The following GOLGA4 variants were observed in gnomAD, a reference collection of about 807,000 sequenced individuals.
The protein encoded by GOLGA4 is golgin A4, also known as golgin subfamily A member 4.
A neutral mutation model predicts 265.9 loss-of-function variants in GOLGA4; 169 were observed. The observed-to-expected ratio is 0.64, with a 90% CI of 0.56 to 0.72. GOLGA4 has a LOEUF of 0.72. GOLGA4 is among the 30% of genes least tolerant of loss of function. GOLGA4 has a pLI of 0.00. For missense variants in GOLGA4, 2,482 were observed against 2,483.4 expected, an observed-to-expected ratio of 1.00 and a Z score of 0.01; for synonymous variants, 923 against 855.8, an observed-to-expected ratio of 1.08 and a Z score of -1.37.
chr3:37,259,261 T>C (rs1402075968), intron 2 of GOLGA4, among the ~76,000 whole-genome samples: 1 of 152,234 alleles, frequency 6.6e-6, no homozygotes, highest in Non-Finnish European at 1.5e-5. Context: ...TAAATTAAAC[T>C]AAATTTGGCC....
In GOLGA4 at chr3:37,285,498, C is replaced by T. The variant is rs142216244; in HGVS notation, c.478-516C>T. Reference sequence around the variant, plus strand: ...TTTTGCAGAGCTGTAGTCACAGACCCTATAACCAGAAGGAACTTTTAGAAA... The same window carrying T: ...TTTTGCAGAGCTGTAGTCACAGACCTTATAACCAGAAGGAACTTTTAGAAA... On this transcript the variant is annotated intron_variant, in intron 3 of 23. Transcript: ENST00000361924. Among the ~76,000 whole-genome samples, 860 of 152,318 alleles carry T rather than the reference C, an allele frequency of 5.6e-3. 4 individuals carry two copies. Among genetic ancestry groups the T allele is most frequent in the African/African-American group, 0.02 (832 of 41,560 alleles).
intron 23 of GOLGA4, among the ~76,000 whole-genome samples, chr3:37,363,452 A>G (rs558323296): frequency 1.3e-5 from 2 of 152,222 alleles, no homozygotes; most frequent in African/African-American, 4.8e-5. Flanking sequence ...CATTTCAGAC[A>G]TAAGATTTGC....
chr3:37,331,454 C>G (rs1016371138), intron 16 of GOLGA4, among the ~76,000 whole-genome samples: 7 of 152,144 alleles, frequency 4.6e-5, no homozygotes. Context: ...AATGCAAATA[C>G]TACTAAAAAG....
chr3:37,295,893 G>T (rs1453690919), intron 6 of GOLGA4, among the ~76,000 whole-genome samples, 194 bp from the exon 7 acceptor site: 2 of 152,142 alleles, frequency 1.3e-5, no homozygotes, highest in Non-Finnish European at 2.9e-5. Flanking sequence ...ATCTAGGGAT[G>T]ATTTAAATTA....
Position 37,337,160 on chromosome 3 carries a change from A to G in GOLGA4, c.6324A>G (p.Leu2108=). Reference sequence around the variant, plus strand: ...TTTTTCAGGTAACAATTATGGAGCTACAGGTAAGGCTAGTTCTTCTTTTTT... The same window carrying G: ...TTTTTCAGGTAACAATTATGGAGCTGCAGGTAAGGCTAGTTCTTCTTTTTT... ...PGNDNVTIME[L]QTQLAQKTTL... The change falls in exon 18 of 24, where the codon CTA becomes CTG. Residue 2108 remains leucine, a synonymous_variant. Transcript: ENST00000361924. 6.9e-7 allele frequency: 1 copy of G among 1,440,436 alleles called. No homozygotes were observed. The highest frequency in any genetic ancestry group is 9.6e-7 in the Non-Finnish European group (1 of 1,039,486). The allele number at this position is 1,440,436 out of a possible 1,614,324, so 89.2% of individuals were successfully genotyped here.
At chr3:37,293,575 A>T (rs1266674608) in intron 5 of GOLGA4, among the ~76,000 whole-genome samples, 1 of 152,238 alleles carries the variant, frequency 6.6e-6, no homozygotes, top group Non-Finnish European at 1.5e-5. Context: ...GAACTAGTGA[A>T]GTATAGGAAT....
intron 21 of GOLGA4, among the ~76,000 whole-genome samples, chr3:37,352,190 G>A (rs1256733300): frequency 6.6e-6 from 1 of 151,998 alleles, no homozygotes; most frequent in Non-Finnish European, 1.5e-5. Context: ...CCTGAGAATG[G>A]GTAATTTATA....
At chr3:37,269,181 A>G (rs974090484) in intron 2 of GOLGA4, among the ~76,000 whole-genome samples, 5 of 152,248 alleles carry the variant, frequency 3.3e-5, no homozygotes, top group African/African-American at 1.2e-4. Context: ...TTTCCCCTGT[A>G]GAAAGTATTG....
At chr3:37,266,796 AT>A (rs746654950) in intron 2 of GOLGA4, 2 of 914,204 alleles carry the variant, frequency 2.2e-6, no homozygotes, top group South Asian at 2.8e-5. Flanking sequence ...GTTTTTCATC[AT>A]TTGTTTTATT....
At chr3:37,308,491 A>G (rs1559409292) in intron 10 of GOLGA4, among the ~76,000 whole-genome samples, 1 of 151,774 alleles carries the variant, frequency 6.6e-6, no homozygotes, top group African/African-American at 2.4e-5. Context: ...CTAGACTAGT[A>G]GCTTTCAGAC....
At position 37,358,219 on chromosome 3, in the gene GOLGA4, TG is replaced by T. The variant is rs527531087; in HGVS notation, c.6664-3023del. On this transcript the variant is annotated intron_variant, in intron 22 of 23. Coordinates refer to ENST00000361924, the MANE Select transcript of GOLGA4 (RefSeq NM_002078.5). ...AATACATTCTAAAATTTTTGCTTTT[TG>T]ACCATGATGATTATACATTTACTTT... 1.5e-3 allele frequency among the ~76,000 whole-genome samples: 236 copies of T among 152,344 alleles called. 2 individuals carry two copies. The highest frequency in any genetic ancestry group is 5.3e-3 in the African/African-American group (220 of 41,592).
chr3:37,319,130 A>G lies in GOLGA4; in HGVS notation c.1481A>G (p.Gln494Arg), dbSNP rs540864530. The change falls in exon 12 of 24, where the codon CAG (glutamine) becomes CGG (arginine). Residue 494 changes from glutamine to arginine, a missense_variant. Physicochemically the swap from Gln to Arg is conservative, Grantham distance 43. This residue lies in a region of GOLGA4 where 1,536 missense variants were observed against 1,483.7 expected (regional missense o/e 1.04). Coordinates refer to ENST00000361924, the MANE Select transcript of GOLGA4 (RefSeq NM_002078.5). Reference protein sequence around the residue: ...LHEKELARKEQELTKKLQTRE... With the variant: ...LHEKELARKERELTKKLQTRE... ...GAAAAGGAGCTGGCCAGAAAAGAGC[A>G]GGAACTGACCAAGAAGCTTCAGACC... 2.2e-5 allele frequency: 36 copies of G among 1,612,284 alleles called. No homozygotes were observed. In the East Asian group the frequency reaches 4.9e-4, roughly 22 times the overall value.
chr3:37,357,487 G>T (rs1363990377), intron 22 of GOLGA4, among the ~76,000 whole-genome samples: 2 of 152,124 alleles, frequency 1.3e-5, no homozygotes, highest in African/African-American at 4.8e-5. Context: ...AATAAAAATG[G>T]TGCTTAGGAA....
chr3:37,266,759 A>G, intron 2 of GOLGA4: 1 of 537,310 alleles, frequency 1.9e-6, no homozygotes, highest in Non-Finnish European at 3.2e-6. Context: ...CGTGGTGAGA[A>G]CACTTTGCAA....
At chr3:37,289,415 CCTACAAGACCA>C in intron 5 of GOLGA4, 124 bp downstream of exon 5, 1 of 576,800 alleles carries the variant, frequency 1.7e-6, no homozygotes, top group South Asian at 2.9e-5. Context: ...ACCAGTCCAG[CCTACAAGACCA>C]GGGGTCAGTT....
intron 12 of GOLGA4, 105 bp from the exon 13 acceptor site, chr3:37,321,626 A>G (rs1257912958): frequency 1.0e-5 from 10 of 995,332 alleles, no homozygotes; most frequent in Non-Finnish European, 1.5e-5. Flanking sequence ...CCTATCCAAC[A>G]GGGCTGGGTG....
intron 10 of GOLGA4, among the ~76,000 whole-genome samples, chr3:37,306,515 G>C (rs886422508): frequency 6.6e-6 from 1 of 151,096 alleles, no homozygotes; most frequent in Non-Finnish European, 1.5e-5. Context: ...GTGTGTGTGT[G>C]TGTGTGTGTG....
rs1464320022 is a variant in GOLGA4, at chr3:37,296,167, G to A, written c.762G>A (p.Gln254=). ...AACCACTTCCTCAGCTGGAACCACA[G>A]GCTGAAGTCTTCACTAAAGAAGAGA... ...VLKPLPQLEP[Q]AEVFTKEENP... The change falls in exon 7 of 24, where the codon CAG becomes CAA. Residue 254 remains glutamine (Q), a synonymous_variant. Coordinates refer to ENST00000361924, the MANE Select transcript of GOLGA4 (RefSeq NM_002078.5). 2 of 1,613,348 alleles carry A rather than the reference G, an allele frequency of 1.2e-6. No individual in the cohort carries two copies. The highest frequency in any genetic ancestry group is 2.7e-5 in the African/African-American group (2 of 74,898).
At chr3:37,268,508 T>A (rs1032428444) in intron 2 of GOLGA4, among the ~76,000 whole-genome samples, 1 of 152,202 alleles carries the variant, frequency 6.6e-6, no homozygotes, top group East Asian at 1.9e-4. Flanking sequence ...TTAAAGTCAT[T>A]TGTATTGAGT....
Sources: allele counts gnomAD v4.1 joint callset (sites outside exome capture counted in the v4.1 genomes callset), GRCh38; gene constraint gnomAD v4.1.1; regional missense constraint gnomAD v4.1.1; transcripts MANE v1.5; gene names NCBI Gene and HGNC (gene_info 2026-07-23, HGNC 2026-07-21).